The following SGCZ variants were observed in gnomAD, a reference collection of about 807,000 sequenced individuals.
The protein encoded by SGCZ is sarcoglycan zeta, also known as zeta-sarcoglycan.
Under a neutral mutation model 41.3 loss-of-function variants are expected in SGCZ, and 40 were observed. That is an observed-to-expected ratio of 0.97 (90% CI 0.75 to 1.26). The LOEUF (loss-of-function observed/expected upper bound fraction) is 1.26, where lower values mean the gene tolerates loss of function less well. Among genes scored for constraint, SGCZ ranks in the 50% most tolerant of loss-of-function variants. The pLI is 0.00. For missense variants in SGCZ, 552 were observed against 369.8 expected, an observed-to-expected ratio of 1.49 and a Z score of -4.04; for synonymous variants, 206 against 137.5, an observed-to-expected ratio of 1.50 and a Z score of -3.49.
At chr8:14,553,967 G>A (rs908512605) in intron 2 of SGCZ, among the ~76,000 whole-genome samples, 1 of 152,056 alleles carries the variant, frequency 6.6e-6, no homozygotes, top group Admixed American at 6.6e-5. Context: ...AAGCAGAGTA[G>A]AGAAACTGAA....
At chr8:14,438,325 A>G (rs140560614) in intron 2 of SGCZ, among the ~76,000 whole-genome samples, 1,646 of 152,128 alleles carry the variant, frequency 0.011, 28 homozygotes, top group African/African-American at 0.037. Flanking sequence ...ATCACAAATT[A>G]TAAGTATTAC....
intron 1 of SGCZ, among the ~76,000 whole-genome samples, chr8:15,230,175 G>C (rs565920120): frequency 7.2e-6 from 1 of 139,230 alleles, no homozygotes; most frequent in African/African-American, 2.8e-5. Context: ...CTATGAATAA[G>C]GATACTAGTT....
chr8:14,727,399 G>T (rs931854082), intron 1 of SGCZ, among the ~76,000 whole-genome samples: 1 of 152,014 alleles, frequency 6.6e-6, no homozygotes, highest in Non-Finnish European at 1.5e-5. Context: ...AATGGAAAAA[G>T]TACTTTGGAA....
At chr8:15,217,580 C>A (rs1407691101) in intron 1 of SGCZ, among the ~76,000 whole-genome samples, 3 of 152,046 alleles carry the variant, frequency 2.0e-5, no homozygotes, top group Admixed American at 6.6e-5. Context: ...TCTTGCCCCC[C>A]CTTGTCCCAA....
At chr8:14,412,490 C>G (rs1408681003) in intron 2 of SGCZ, among the ~76,000 whole-genome samples, 1 of 152,084 alleles carries the variant, frequency 6.6e-6, no homozygotes, top group Non-Finnish European at 1.5e-5. Flanking sequence ...TAGATAATCT[C>G]AGCATAAATG....
intron 5 of SGCZ, among the ~76,000 whole-genome samples, chr8:14,146,333 T>C (rs1398570405): frequency 6.6e-6 from 1 of 152,146 alleles, no homozygotes; most frequent in East Asian, 1.9e-4. Context: ...AATAGCATAT[T>C]TAGCAGAAAT....
intron 3 of SGCZ, among the ~76,000 whole-genome samples, chr8:14,277,417 G>C (rs1800274107): frequency 1.4e-5 from 2 of 141,976 alleles, no homozygotes; most frequent in South Asian, 2.6e-4. Context: ...CTCAGAAATA[G>C]TCACTTCCTC....
In SGCZ at chr8:14,706,053, T is replaced by G. The variant is rs540577084; in HGVS notation, c.40-151127A>C. Among the ~76,000 whole-genome samples the G allele has an allele frequency of 1.0e-3, 158 of 152,148 alleles. 2 individuals carry two copies. The highest frequency in any genetic ancestry group is 3.7e-3 in the African/African-American group (152 of 41,552). On this transcript the variant is annotated intron_variant, in intron 1 of 7. Transcript: ENST00000382080. ...TAAAAGAAATTTATTTTTCTTTTAT[T>G]GGGCACCATGACTCCTTGCTGAAGA...
chr8:15,082,789 T>C (rs17609124), intron 1 of SGCZ, among the ~76,000 whole-genome samples: 10,341 of 152,210 alleles, frequency 0.068, 544 homozygotes, highest in East Asian at 0.28. Context: ...GGAGCTATAA[T>C]TGAATAAAGC....
intron 7 of SGCZ, among the ~76,000 whole-genome samples, chr8:14,100,013 A>G (rs1801963815): frequency 6.6e-6 from 1 of 152,176 alleles, no homozygotes; most frequent in Admixed American, 6.5e-5. Context: ...TTTAAAAACT[A>G]TCTAAGGATA....
Position 14,765,968 on chromosome 8 carries a change from T to C in SGCZ, c.40-211042A>G, listed in dbSNP as rs939214204. On this transcript the variant is annotated intron_variant, in intron 1 of 7. Transcript: ENST00000382080. ...GGAACAACTCTTGCATATGATAGTC[T>C]TTTTTTTTTTTTTTTTAACAGAGGC... 1.5e-4 allele frequency among the ~76,000 whole-genome samples: 5 copies of C among 34,004 alleles called. No homozygotes were observed. In the Admixed American group the frequency reaches 1.8e-3, roughly 12 times the overall value. The allele number at this position is 34,004 out of a possible 152,430, so 22.3% of individuals were successfully genotyped here. A position where few individuals can be genotyped will look rare whatever the true frequency, so the allele number is the denominator to read the frequency against.
At chr8:14,208,670 A>G (rs944274245) in intron 4 of SGCZ, among the ~76,000 whole-genome samples, 2 of 152,128 alleles carry the variant, frequency 1.3e-5, no homozygotes, top group African/African-American at 4.8e-5. Context: ...ACAACTAGAA[A>G]CACTTAATTA....
At chr8:14,711,017 T>C (rs1809497839) in intron 1 of SGCZ, among the ~76,000 whole-genome samples, 1 of 152,166 alleles carries the variant, frequency 6.6e-6, no homozygotes, top group Non-Finnish European at 1.5e-5. Flanking sequence ...ACGTATGACA[T>C]ATATACCCTT....
intron 1 of SGCZ, among the ~76,000 whole-genome samples, chr8:14,660,598 A>G (rs918501339): frequency 2.0e-5 from 3 of 149,552 alleles, no homozygotes; most frequent in Non-Finnish European, 4.4e-5. Flanking sequence ...AAAGAGAGAA[A>G]AGAAAAATAG....
At chr8:14,703,121 A>G (rs1157318797) in intron 1 of SGCZ, among the ~76,000 whole-genome samples, 2 of 152,014 alleles carry the variant, frequency 1.3e-5, no homozygotes, top group African/African-American at 2.4e-5. Context: ...TCTTTTAAAG[A>G]TACATCACAT....
intron 2 of SGCZ, among the ~76,000 whole-genome samples, chr8:14,516,111 C>CT (rs146073235): frequency 0.5 from 73,630 of 148,266 alleles, 18,147 homozygotes; most frequent in East Asian, 0.68. Flanking sequence ...TGAAACTTCT[C>CT]TTTTTTTTTC....
At chr8:14,357,496 T>C (rs1007130504) in intron 2 of SGCZ, among the ~76,000 whole-genome samples, 1 of 152,212 alleles carries the variant, frequency 6.6e-6, no homozygotes, top group African/African-American at 2.4e-5. Flanking sequence ...TATCGCAGTA[T>C]GCAGAACTAT....
At chr8:14,230,771 G>GC (rs937393548) in intron 4 of SGCZ, among the ~76,000 whole-genome samples, 37 of 150,454 alleles carry the variant, frequency 2.5e-4, no homozygotes, top group Non-Finnish European at 4.3e-4. Context: ...GGTGGTGGGG[G>GC]GGTGGTTACT....
intron 1 of SGCZ, among the ~76,000 whole-genome samples, chr8:14,862,667 A>G (rs1803796287): frequency 1.3e-5 from 2 of 148,630 alleles, no homozygotes; most frequent in Admixed American, 6.8e-5. Flanking sequence ...GTTTGGACTC[A>G]ATATAAAATG....
Sources: allele counts gnomAD v4.1 joint callset (sites outside exome capture counted in the v4.1 genomes callset), GRCh38; gene constraint gnomAD v4.1.1; transcripts MANE v1.5; gene names NCBI Gene and HGNC (gene_info 2026-07-23, HGNC 2026-07-21).